Variants in SH2B3 observed in about 807,000 individuals in gnomAD.
SH2B3 encodes the protein SH2B adaptor protein 3.
A neutral mutation model predicts 51.9 loss-of-function variants in SH2B3; 43 were observed. The observed-to-expected ratio is 0.83, with a 90% CI of 0.65 to 1.07. SH2B3 has a LOEUF of 1.07. Ranked by LOEUF, SH2B3 falls within the 50% of genes least tolerant of loss-of-function variation. The pLI, the probability that SH2B3 is intolerant of heterozygous loss-of-function variation, is 0.00. For missense variants in SH2B3, 952 were observed against 834.3 expected (o/e 1.14, Z -1.74); for synonymous variants, 396 against 376.0 (o/e 1.05, Z -0.62).
intron 1 of SH2B3, among the ~76,000 whole-genome samples, chr12:111,415,198 G>A (rs1233292443): frequency 6.6e-6 from 1 of 152,230 alleles, no homozygotes; most frequent in Admixed American, 6.5e-5. Flanking sequence ...TGGCACTGCT[G>A]TTCATTCAGG....
At chr12:111,412,170 C>G (rs142709102) in intron 1 of SH2B3, among the ~76,000 whole-genome samples, 3 of 152,360 alleles carry the variant, frequency 2.0e-5, no homozygotes, top group Admixed American at 2.0e-4. Context: ...TTGTCACCAT[C>G]TGATCAATTG....
intron 2 of SH2B3, among the ~76,000 whole-genome samples, chr12:111,436,908 C>A (rs1293397267): frequency 2.0e-5 from 3 of 152,006 alleles, no homozygotes; most frequent in Non-Finnish European, 4.4e-5. Flanking sequence ...CCCCGCCCCC[C>A]TCCCGCCACA....
At chr12:111,408,142 C>T (rs188932706) in intron 1 of SH2B3, among the ~76,000 whole-genome samples, 1 of 152,238 alleles carries the variant, frequency 6.6e-6, no homozygotes, top group Admixed American at 6.5e-5. Flanking sequence ...CTGGAATTTC[C>T]TGGGTCTTTG....
Position 111,446,980 on chromosome 12 carries a change from C to A in SH2B3, c.873C>A (p.Asp291Glu). Residue 291 changes from aspartate (D) to glutamate (E), a missense_variant, in exon 4 of 8, where the codon GAC (aspartate) becomes GAA (glutamate). Asp to Glu is a conservative substitution (Grantham distance 45, BLOSUM62 2). Coordinates refer to ENST00000341259, the MANE Select transcript of SH2B3 (RefSeq NM_005475.3). ...DRTDIIFEVG[D>E]EQQLNSWMAE... ...CAGACATCATCTTTGAGGTGGGAGA[C>A]GAGCAGCAGCTGAATTCATGGATGG... 1 of 1,614,094 alleles carries A rather than the reference C, an allele frequency of 6.2e-7. No individual in the cohort carries two copies. Among genetic ancestry groups the A allele is most frequent in the Non-Finnish European group, 8.5e-7 (1 of 1,179,988 alleles).
chr12:111,433,440 C>T (rs1441389320), intron 2 of SH2B3, among the ~76,000 whole-genome samples: 2 of 152,168 alleles, frequency 1.3e-5, no homozygotes, highest in Non-Finnish European at 2.9e-5. Flanking sequence ...ACCATCATTG[C>T]GTGAGAGGAC....
chr12:111,418,658 G>C lies in SH2B3; in HGVS notation c.513G>C (p.Glu171Asp). ...AAPGTPGEAA[E>D]TPARPGLAKK... ...CCGGGACCCCCGGAGAGGCTGCTGA[G>C]ACCCCCGCCCGGCCTGGCCTGGCCA... The change falls in exon 2 of 8, where the codon GAG becomes GAC. Residue 171 changes from glutamate to aspartate, a missense_variant. Physicochemically the swap from Glu to Asp is conservative, Grantham distance 45. Coordinates refer to ENST00000341259, the MANE Select transcript of SH2B3 (RefSeq NM_005475.3). This position sits in a 1 kb window ranked among gnomAD's most constrained non-coding sequence, Gnocchi z 6.7. 3 of 1,486,134 alleles carry C rather than the reference G, an allele frequency of 2.0e-6. No homozygotes were observed. 92.1% of individuals were successfully genotyped at this position (1,486,134 alleles called of 1,614,324 possible). A position where few individuals can be genotyped will look rare whatever the true frequency, so the allele number is the denominator to read the frequency against.
At position 111,429,033 on chromosome 12, in the gene SH2B3, GGA is replaced by G. The variant is rs1872242620; in HGVS notation, c.732+10158_732+10159del. Among the ~76,000 whole-genome samples, 2 of 148,138 alleles carry G rather than the reference GGA, an allele frequency of 1.4e-5. No homozygotes were observed. Among genetic ancestry groups the G allele is most frequent in the East Asian group, 3.9e-4 (2 of 5,072 alleles). Reference sequence around the variant, plus strand: ...AGGAGTGCGAGGAGGAGGAGGAGGAGGAGGAGGAGGAGGAAGAGGAGGAGGAG... The same window carrying G: ...AGGAGTGCGAGGAGGAGGAGGAGGAGGGAGGAGGAGGAAGAGGAGGAGGAG... On this transcript the variant is annotated intron_variant, in intron 2 of 7. Transcript: ENST00000341259. This position sits in a 1 kb window ranked among gnomAD's most constrained non-coding sequence, Gnocchi z 4.4.
Position 111,448,475 on chromosome 12 carries a change from C to CTGTAGGTTTCATCT in SH2B3, c.*174_*187dup, listed in dbSNP as rs1200111323. 1 of 603,318 alleles carries CTGTAGGTTTCATCT rather than the reference C, an allele frequency of 1.7e-6. No homozygotes were observed. The highest frequency in any genetic ancestry group is 2.9e-6 in the Non-Finnish European group (1 of 341,226). The allele number at this position is 603,318 out of a possible 1,614,324, so 37.4% of individuals were successfully genotyped here. On this transcript the variant is annotated 3_prime_UTR_variant, in exon 8 of 8. Transcript: ENST00000341259. ...CTATTAGGCCTGTTGAAGGGCCCTCCTGTAGGTTTCATCTATCCACCTGGC... is the reference window on the plus strand; with the variant it reads ...CTATTAGGCCTGTTGAAGGGCCCTCCTGTAGGTTTCATCTTGTAGGTTTCATCTATCCACCTGGC...
chr12:111,448,081 T>A lies in SH2B3; in HGVS notation c.1507T>A (p.Ser503Thr). 6.2e-7 allele frequency: 1 copy of A among 1,614,014 alleles called. No individual in the cohort carries two copies. The highest frequency in any genetic ancestry group is 1.1e-5 in the South Asian group (1 of 91,078). Residue 503 changes from serine to threonine, a missense_variant, in exon 8 of 8, where the codon TCT becomes ACT. Ser to Thr is a moderately conservative substitution (Grantham distance 58). Coordinates refer to ENST00000341259, the MANE Select transcript of SH2B3 (RefSeq NM_005475.3). The part of the protein sequence containing the change: ...GSELGLPHLS[S>T]SGCPRGLSPE... ...AGAGTTGGGCCTTCCCCACCTTAGT[T>A]CTTCTGGCTGTCCCCGGGGGCTCAG...
chr12:111,423,835 C>T (rs1180355480), intron 2 of SH2B3, among the ~76,000 whole-genome samples: 1 of 152,108 alleles, frequency 6.6e-6, no homozygotes, highest in East Asian at 1.9e-4. Context: ...TCTTGGTGGC[C>T]AAGCGTGTGG....
In SH2B3 at chr12:111,418,337, G is replaced by A. The variant is rs1482055799; in HGVS notation, c.192G>A (p.Ser64=). 2.0e-6 allele frequency: 3 copies of A among 1,524,502 alleles called. No individual in the cohort carries two copies. Among genetic ancestry groups the A allele is most frequent in the Non-Finnish European group, 2.6e-6 (3 of 1,141,686 alleles). The allele number at this position is 1,524,502 out of a possible 1,614,324, so 94.4% of individuals were successfully genotyped here. A position where few individuals can be genotyped will look rare whatever the true frequency, so the allele number is the denominator to read the frequency against. The stretch of plus-strand genomic sequence containing the variant: ...CGCCGCTGCGCGCCGAGCTGGTGTC[G>A]CTGCAGTTCACCGACCTCTTCCAGC... ...QHAPLRAELV[S]LQFTDLFQRY... Residue 64 remains serine, a synonymous_variant, in exon 2 of 8, where the codon TCG becomes TCA. Transcript: ENST00000341259. This position sits in a 1 kb window ranked among gnomAD's most constrained non-coding sequence, Gnocchi z 6.7.
intron 2 of SH2B3, among the ~76,000 whole-genome samples, chr12:111,425,435 T>C (rs1458127364): frequency 6.6e-6 from 1 of 152,078 alleles, no homozygotes; most frequent in African/African-American, 2.4e-5. Context: ...GTGCCGGTCC[T>C]GATAGATCTG....
chr12:111,431,002 T>C (rs1198925993), intron 2 of SH2B3, among the ~76,000 whole-genome samples: 6 of 134,932 alleles, frequency 4.4e-5, no homozygotes, highest in Non-Finnish European at 6.4e-5. Flanking sequence ...CTAGAAGAGG[T>C]CTCCGAGTGC....
rs752696254 is a variant in SH2B3 at position 111,418,835 on chromosome 12, C to T, written c.690C>T (p.Pro230=). ...GRLALRRAPG[P]DGPDRVLELF... is the part of the protein sequence containing the mutation. ...TGGCGCTGCGCCGGGCCCCGGGCCC[C>T]GATGGCCCCGACCGCGTGCTGGAGC... The change falls in exon 2 of 8, where the codon CCC becomes CCT. Residue 230 remains proline (P), a synonymous_variant. Transcript: ENST00000341259. The surrounding 1 kb of genome is among the most constrained non-coding windows in gnomAD (Gnocchi z 6.7). 4 of 1,420,340 alleles carry T rather than the reference C, an allele frequency of 2.8e-6. No homozygotes were observed. Among genetic ancestry groups the T allele is most frequent in the Admixed American group, 3.4e-5 (1 of 29,430 alleles). 88.0% of individuals were successfully genotyped at this position (1,420,340 alleles called of 1,614,324 possible).
intron 1 of SH2B3, among the ~76,000 whole-genome samples, chr12:111,414,684 G>A (rs758280430): frequency 1.6e-4 from 24 of 151,954 alleles, no homozygotes; most frequent in African/African-American, 4.8e-4. Context: ...TGTGGAGATC[G>A]GCTGTGGGGG....
At position 111,450,136 on chromosome 12, in the gene SH2B3, T is replaced by G. The variant is rs1874444434; in HGVS notation, c.*1834T>G. ...CAGGGTTTCACCATGTTGGCCAGGC[T>G]GGTCTCGAATGTCTGACCTCAGGTG... On this transcript the variant is annotated 3_prime_UTR_variant, in exon 8 of 8. Coordinates refer to ENST00000341259, the MANE Select transcript of SH2B3 (RefSeq NM_005475.3). 1 of 152,220 alleles carries G rather than the reference T, an allele frequency of 6.6e-6. No individual in the cohort carries two copies. The allele number at this position is 152,220 out of a possible 1,614,324, so 9.4% of individuals were successfully genotyped here. A position where few individuals can be genotyped will look rare whatever the true frequency, so the allele number is the denominator to read the frequency against.
Position 111,418,379 on chromosome 12 carries a change from G to T in SH2B3, c.234G>T (p.Glu78Asp). ...TCTTCCAGCGCTACTTCTGCCGCGA[G>T]GTGCGCGACGGACGGGCGCCGGGCC... ...TDLFQRYFCR[E>D]VRDGRAPGRD... The change falls in exon 2 of 8, where the codon GAG becomes GAT. Residue 78 changes from glutamate (E) to aspartate (D), a missense_variant. Physicochemically the swap from Glu to Asp is conservative, Grantham distance 45 (BLOSUM62 2). Transcript: ENST00000341259. This position sits in a 1 kb window ranked among gnomAD's most constrained non-coding sequence, Gnocchi z 6.7. 2 of 1,510,194 alleles carry T rather than the reference G, an allele frequency of 1.3e-6. No individual in the cohort carries two copies. The highest frequency in any genetic ancestry group is 2.4e-5 in the South Asian group (2 of 81,748). 93.5% of individuals were successfully genotyped at this position (1,510,194 alleles called of 1,614,324 possible).
At chr12:111,442,556 G>A (rs958165478) in intron 2 of SH2B3, among the ~76,000 whole-genome samples, 16 of 152,164 alleles carry the variant, frequency 1.1e-4, no homozygotes, top group Non-Finnish European at 1.8e-4. Context: ...GGGGGTGGGC[G>A]GTCTCTCCCC....
chr12:111,414,055 G>A (rs1449597039), intron 1 of SH2B3, among the ~76,000 whole-genome samples: 5 of 152,206 alleles, frequency 3.3e-5, no homozygotes, highest in Non-Finnish European at 7.3e-5. Flanking sequence ...TCCAAGCCAC[G>A]AGGGCAGCGC....
Sources: gnomAD v4.1 joint callset for allele counts (sites outside exome capture counted in the v4.1 genomes callset) on GRCh38, gnomAD v4.1.1 for gene constraint, Gnocchi (gnomAD v3.1) non-coding constraint, MANE v1.5 for transcripts, NCBI Gene and HGNC (gene_info 2026-07-23, HGNC 2026-07-21) for gene names.